CCDC7: variants seen among roughly 807,000 people sequenced by gnomAD.
CCDC7 encodes coiled-coil domain containing 7.
Under a neutral mutation model 196.9 loss-of-function variants are expected in CCDC7, and 183 were observed. That is an observed-to-expected ratio of 0.93 (90% confidence interval 0.82 to 1.05). The LOEUF is 1.05. Ranked by LOEUF, CCDC7 falls within the 50% of genes least tolerant of loss-of-function variation. The probability of loss-of-function intolerance (pLI) is 0.00; values close to 1 mark genes in which losing one functional copy is unlikely to be tolerated. For missense variants in CCDC7, 1,540 were observed against 1,482.2 expected, an observed-to-expected ratio of 1.04 and a Z score of -0.64; for synonymous variants, 525 against 484.6, an observed-to-expected ratio of 1.08 and a Z score of -1.10.
chr10:32,601,150 G>T (rs1253557944), intron 18 of CCDC7, among the ~76,000 whole-genome samples: 1 of 152,148 alleles, frequency 6.6e-6, no homozygotes, highest in Non-Finnish European at 1.5e-5. Context: ...TCCGCTCACT[G>T]CAACCTCTGC....
At chr10:32,608,989 C>T (rs2992079) in intron 18 of CCDC7, among the ~76,000 whole-genome samples, 66,686 of 151,950 alleles carry the variant, frequency 0.44, 15,244 homozygotes, top group East Asian at 0.58. Flanking sequence ...TTGATATGAT[C>T]TTGTATTTTA....
chr10:32,839,375 A>G (rs2092827031), intron 33 of CCDC7, among the ~76,000 whole-genome samples: 1 of 151,884 alleles, frequency 6.6e-6, no homozygotes, highest in Non-Finnish European at 1.5e-5. Flanking sequence ...CATTAGACAA[A>G]ACAAACCTTA....
At chr10:32,682,838 G>T (rs1346453463) in intron 21 of CCDC7, among the ~76,000 whole-genome samples, 1 of 152,046 alleles carries the variant, frequency 6.6e-6, no homozygotes, top group Non-Finnish European at 1.5e-5. Flanking sequence ...TTTTAATGGG[G>T]TTCTTTGGTT....
At chr10:32,631,595 A>G (rs369316171) in intron 18 of CCDC7, among the ~76,000 whole-genome samples, 1 of 151,634 alleles carries the variant, frequency 6.6e-6, no homozygotes, top group African/African-American at 2.4e-5. Context: ...GCCTCCAAAT[A>G]GTTTTTTCTC....
At chr10:32,697,154 G>T (rs960280696) in intron 24 of CCDC7, among the ~76,000 whole-genome samples, 2 of 152,192 alleles carry the variant, frequency 1.3e-5, no homozygotes, top group Admixed American at 6.5e-5. Flanking sequence ...AGGCATGAAA[G>T]ACAGTGACAG....
In CCDC7 at chr10:32,729,452, GA is replaced by G; in HGVS notation, c.2905del (p.Ile969LeufsTer26). 1 of 1,200,346 alleles carries G rather than the reference GA, an allele frequency of 8.3e-7. No homozygotes were observed. 74.4% of individuals were successfully genotyped at this position (1,200,346 alleles called of 1,614,324 possible). ...AAACTTCAAGCTAAAGTAACTTCAA[GA>G]AAAAGTAAGTAATTATTTATAAATC... is the stretch of plus-strand genomic sequence containing the variant. On this transcript the variant is annotated frameshift_variant, in exon 28 of 42. Coordinates refer to ENST00000639629, the Ensembl canonical transcript of CCDC7. LOFTEE classifies it high-confidence loss of function.
intron 25 of CCDC7, among the ~76,000 whole-genome samples, chr10:32,724,937 T>C (rs896465894): frequency 2.0e-5 from 3 of 152,128 alleles, no homozygotes; most frequent in African/African-American, 7.2e-5. Flanking sequence ...AACTGCCAGA[T>C]AAAACCTTTG....
At chr10:32,707,903 A>C (rs1440551943) in intron 24 of CCDC7, among the ~76,000 whole-genome samples, 1 of 152,256 alleles carries the variant, frequency 6.6e-6, no homozygotes, top group Non-Finnish European at 1.5e-5. Flanking sequence ...TGCCCAAGGT[A>C]ATTTATAGAT....
At chr10:32,712,724 G>T (rs891008389) in intron 25 of CCDC7, among the ~76,000 whole-genome samples, 1 of 152,132 alleles carries the variant, frequency 6.6e-6, no homozygotes, top group African/African-American at 2.4e-5. Context: ...AAGGACATTT[G>T]CTATGTCAAT....
chr10:32,810,184 C>A (rs2135308013), intron 30 of CCDC7, among the ~76,000 whole-genome samples: 1 of 152,226 alleles, frequency 6.6e-6, no homozygotes, highest in South Asian at 2.1e-4. Context: ...GGAATAAGTT[C>A]TCACATATCA....
intron 28 of CCDC7, among the ~76,000 whole-genome samples, chr10:32,733,452 G>A (rs2084327363): frequency 6.6e-6 from 1 of 152,026 alleles, no homozygotes; most frequent in Non-Finnish European, 1.5e-5. Context: ...TTTTCAAAAA[G>A]CAAATCTCCA....
chr10:32,567,714 A>G, exon 15 of CCDC7: 1 of 1,613,438 alleles, frequency 6.2e-7, no homozygotes, highest in East Asian at 2.2e-5. Context: ...TCCTAAATCA[A>G]GAGAAGTTAC....
At chr10:32,881,595 A>T (rs771805861), downstream of CCDC7, among the ~76,000 whole-genome samples, 3 of 152,132 alleles carry the variant, frequency 2.0e-5, no homozygotes, top group African/African-American at 4.8e-5. Context: ...GAATTCACAG[A>T]TTCAAACTCA....
intron 23 of CCDC7, among the ~76,000 whole-genome samples, chr10:32,691,451 G>C (rs2077068804): frequency 6.6e-6 from 1 of 152,000 alleles, no homozygotes; most frequent in Non-Finnish European, 1.5e-5. Flanking sequence ...AGGTCACACT[G>C]TTCACTGGTC....
chr10:32,845,655 T>C, intron 35 of CCDC7, 29 bp downstream of exon 36: 2 of 1,545,266 alleles, frequency 1.3e-6, no homozygotes, highest in South Asian at 1.1e-5. Flanking sequence ...AAGACTAATA[T>C]TTATGGTTTA....
At chr10:32,591,829 C>T (rs991168668) in intron 18 of CCDC7, among the ~76,000 whole-genome samples, 1 of 152,104 alleles carries the variant, frequency 6.6e-6, no homozygotes, top group Non-Finnish European at 1.5e-5. Flanking sequence ...CCCATCTGTC[C>T]CAGGGTAGGT....
At chr10:32,553,319 TC>T (rs2053797175) in intron 13 of CCDC7, among the ~76,000 whole-genome samples, 1 of 152,120 alleles carries the variant, frequency 6.6e-6, no homozygotes, top group Non-Finnish European at 1.5e-5. Context: ...ATTTCTCCCT[TC>T]ACTTGTTGTA....
chr10:32,779,853 T>C (rs1425407037), intron 29 of CCDC7, among the ~76,000 whole-genome samples: 5 of 152,180 alleles, frequency 3.3e-5, no homozygotes, highest in Admixed American at 3.3e-4. Flanking sequence ...GAAAGTTTTG[T>C]GAAACTGTCA....
chr10:32,471,218 T>C (rs1588906276), exon 6 of CCDC7: 5 of 1,606,638 alleles, frequency 3.1e-6, no homozygotes, highest in Non-Finnish European at 2.5e-6. Context: ...AAAGTCATGT[T>C]GTCTAAAACT....
Sources: gnomAD v4.1 joint callset for allele counts (sites outside exome capture counted in the v4.1 genomes callset) on GRCh38, gnomAD v4.1.1 for gene constraint, MANE v1.5 for transcripts, NCBI Gene and HGNC (gene_info 2026-07-23, HGNC 2026-07-21) for gene names.